ECI1: variants seen among roughly 807,000 people sequenced by gnomAD.
The protein encoded by ECI1 is enoyl-CoA delta isomerase 1.
Under a neutral mutation model 34.2 loss-of-function variants are expected in ECI1, and 34 were observed. The ratio of observed to expected loss-of-function variants is 1.00; its 90% CI spans 0.76 to 1.33. The LOEUF (loss-of-function observed/expected upper bound fraction) is 1.33, where lower values mean the gene tolerates loss of function less well. Ranked by LOEUF, ECI1 falls within the 40% of genes most tolerant of loss-of-function variation. The probability of loss-of-function intolerance (pLI) is 0.00; values close to 1 mark genes in which losing one functional copy is unlikely to be tolerated. For synonymous variants in ECI1, 211 were observed against 193.0 expected (o/e 1.09, Z -0.77); for missense variants, 456 against 422.2 (o/e 1.08, Z -0.70).
chr16:2,249,610 G>C (rs80189676), intron 2 of ECI1, among the ~76,000 whole-genome samples: 3,971 of 151,086 alleles, frequency 0.026, 163 homozygotes, highest in African/African-American at 0.089. Context: ...GGTGGCTCAC[G>C]CCTGTAATCC....
At chr16:2,244,889 T>A (rs26845) in intron 3 of ECI1, among the ~76,000 whole-genome samples, 1 of 151,968 alleles carries the variant, frequency 6.6e-6, no homozygotes, top group African/African-American at 2.4e-5. Context: ...AGAGGTGTGG[T>A]GAAGACTCCT....
intron 2 of ECI1, among the ~76,000 whole-genome samples, 155 bp downstream of exon 2, chr16:2,251,161 C>T (rs975562597): frequency 6.6e-6 from 1 of 152,244 alleles, no homozygotes; most frequent in Non-Finnish European, 1.5e-5. Flanking sequence ...TCATGACGAA[C>T]GAACCCAGGT....
intron 3 of ECI1, 121 bp downstream of exon 3, chr16:2,246,738 C>T (rs962275162): frequency 3.9e-5 from 58 of 1,501,710 alleles, no homozygotes; most frequent in African/African-American, 5.5e-5. Flanking sequence ...GTGGGGCTGC[C>T]GGCTGGCCTG....
chr16:2,249,464 A>C (rs190583122), intron 2 of ECI1, among the ~76,000 whole-genome samples: 7 of 152,270 alleles, frequency 4.6e-5, no homozygotes, highest in African/African-American at 1.4e-4. Context: ...AATGTGAGGC[A>C]TATTTTAAAG....
intron 2 of ECI1, among the ~76,000 whole-genome samples, chr16:2,250,814 T>C (rs548158473): frequency 3.5e-4 from 53 of 152,134 alleles, no homozygotes; most frequent in Admixed American, 2.7e-3. Flanking sequence ...CCCCGCCAAC[T>C]TTATTTTTAT....
chr16:2,248,848 A>G (rs1247489047), intron 2 of ECI1, among the ~76,000 whole-genome samples: 1 of 152,110 alleles, frequency 6.6e-6, no homozygotes, highest in Non-Finnish European at 1.5e-5. Flanking sequence ...CCCCATGAGC[A>G]GTTGCTCCTC....
chr16:2,242,962 C>T (rs1460364266), intron 6 of ECI1, 84 bp downstream of exon 6: 4 of 1,084,122 alleles, frequency 3.7e-6, no homozygotes, highest in South Asian at 1.3e-5. Context: ...CTCCCGAAGT[C>T]ACGATGTCCA....
chr16:2,241,335 G>A (rs1277993087), intron 6 of ECI1, among the ~76,000 whole-genome samples: 2 of 151,978 alleles, frequency 1.3e-5, no homozygotes, highest in East Asian at 2.0e-4. Flanking sequence ...TCACTCTGTC[G>A]TCCTGGCTGG....
chr16:2,249,141 G>T (rs1156675598), intron 2 of ECI1, among the ~76,000 whole-genome samples: 2 of 152,052 alleles, frequency 1.3e-5, no homozygotes, highest in Admixed American at 1.3e-4. Context: ...CACCTCCGGG[G>T]TTCACACCAT....
chr16:2,248,536 T>A (rs1057091103), intron 2 of ECI1, among the ~76,000 whole-genome samples: 15 of 152,008 alleles, frequency 9.9e-5, no homozygotes, highest in African/African-American at 3.4e-4. Flanking sequence ...TGCCTCAGCC[T>A]CCTGAGAAGC....
At position 2,244,424 on chromosome 16, in the gene ECI1, C is replaced by A; in HGVS notation, c.423G>T (p.Val141=). 1 of 1,612,518 alleles carries A rather than the reference C, an allele frequency of 6.2e-7. No individual in the cohort carries two copies. Among genetic ancestry groups the A allele is most frequent in the Admixed American group, 1.7e-5 (1 of 59,956 alleles). The change falls in exon 4 of 7, where the codon GTG becomes GTT. Residue 141 remains valine (V), a synonymous_variant. Transcript: ENST00000301729. ...CACTCACGTTGATGGCGGAGACCAG[C>A]ACCAGGTTGGACTGGTACAACCGCA... ...LWLRLYQSNL[V]LVSAINGACP...
intron 3 of ECI1, among the ~76,000 whole-genome samples, chr16:2,244,921 G>A (rs753733437): frequency 5.3e-5 from 8 of 152,206 alleles, no homozygotes; most frequent in South Asian, 2.1e-4. Flanking sequence ...GGAGCTGCAC[G>A]TTCTGAATCA....
At chr16:2,249,886 A>C (rs1223194968) in intron 2 of ECI1, among the ~76,000 whole-genome samples, 1 of 144,114 alleles carries the variant, frequency 6.9e-6, no homozygotes. Context: ...CAAAAAAAAA[A>C]AAAAAAAAAA....
At position 2,251,558 on chromosome 16, in the gene ECI1, C is replaced by T; in HGVS notation, c.9G>A (p.Leu3=). The change falls in exon 1 of 7, where the codon CTG becomes CTA. Residue 3 remains leucine (L), a synonymous_variant. Coordinates refer to ENST00000301729, the MANE Select transcript of ECI1 (RefSeq NM_001919.4). MA[L]VASVRVPARV... The stretch of plus-strand genomic sequence containing the variant: ...GCGCCGGGACTCGCACAGAAGCCAC[C>T]AGCGCCATCTTGACCGCAACGCGCG... 6.4e-7 allele frequency: 1 copy of T among 1,558,484 alleles called. No individual in the cohort carries two copies. The highest frequency in any genetic ancestry group is 8.7e-7 in the Non-Finnish European group (1 of 1,152,094).
At chr16:2,244,823 G>T (rs1374002220) in intron 3 of ECI1, among the ~76,000 whole-genome samples, 1 of 152,334 alleles carries the variant, frequency 6.6e-6, no homozygotes, top group East Asian at 1.9e-4. Flanking sequence ...CACCTCTCAG[G>T]GACATAAGTG....
chr16:2,240,070 T>G lies in ECI1; in HGVS notation c.818A>C (p.Asp273Ala), dbSNP rs200183052. 2 of 1,614,036 alleles carry G rather than the reference T, an allele frequency of 1.2e-6. No individual in the cohort carries two copies. Among genetic ancestry groups the G allele is most frequent in the Non-Finnish European group, 1.7e-6 (2 of 1,180,046 alleles). Residue 273 changes from aspartate (D) to alanine (A), a missense_variant, in exon 7 of 7, where the codon GAC (aspartate) becomes GCC (alanine). Asp to Ala is a moderately radical substitution (Grantham distance 126). Transcript: ENST00000301729. ...ASRLVTQRDA[D>A]VQNFVSFISK... ...GATGAAGCTGACGAAGTTCTGCACGTCCGCATCGCGCTGCGTGACCAGGCG... is the reference window on the plus strand; with the variant it reads ...GATGAAGCTGACGAAGTTCTGCACGGCCGCATCGCGCTGCGTGACCAGGCG...
At chr16:2,244,228 G>A (rs2093534816) in intron 4 of ECI1, 178 bp downstream of exon 4, 2 of 750,046 alleles carry the variant, frequency 2.7e-6, no homozygotes, top group Non-Finnish European at 2.2e-6. Context: ...CTCACCCGAG[G>A]CCCACCTTTC....
rs751283328 is a variant in ECI1, at chr16:2,243,329, G to A, written c.552C>T (p.Ile184=). 7.0e-5 allele frequency: 113 copies of A among 1,613,570 alleles called. No individual in the cohort carries two copies. The highest frequency in any genetic ancestry group is 2.2e-4 in the South Asian group (20 of 91,082). The change falls in exon 5 of 7, where the codon ATC becomes ATT. Residue 184 remains isoleucine (I), a synonymous_variant. Transcript: ENST00000301729. The part of the protein sequence containing the change: ...IGLNETQLGI[I]APFWLKDTLE... ...GCCCAGGGCCTTACCAGAAAGGGGC[G>A]ATGATGCCCAGCTGGGTCTCATTGA...
chr16:2,243,472 G>A, intron 4 of ECI1, 33 bp from the exon 5 acceptor site: 1 of 1,607,148 alleles, frequency 6.2e-7, no homozygotes, highest in Non-Finnish European at 8.5e-7. Context: ...GCTCTTAGGT[G>A]CTGCTGGTCC....
Sources: allele counts gnomAD v4.1 joint callset (sites outside exome capture counted in the v4.1 genomes callset), GRCh38; gene constraint gnomAD v4.1.1; transcripts MANE v1.5; gene names NCBI Gene and HGNC (gene_info 2026-07-23, HGNC 2026-07-21).